AGAP1: variants seen among roughly 807,000 people sequenced by gnomAD.
AGAP1 encodes the protein arf-GAP with GTPase, ANK repeat and PH domain-containing protein 1.
Under a neutral mutation model 105.3 loss-of-function variants are expected in AGAP1, and 29 were observed. That is an observed-to-expected ratio of 0.28 (90% CI 0.21 to 0.38). The LOEUF is 0.38. AGAP1 is among the 10% of genes least tolerant of loss of function. The pLI, the probability that AGAP1 is intolerant of heterozygous loss-of-function variation, is 1.00. For missense variants in AGAP1, 998 were observed against 1,165.1 expected, an observed-to-expected ratio of 0.86 and a Z score of 2.09; for synonymous variants, 509 against 485.9, an observed-to-expected ratio of 1.05 and a Z score of -0.63.
chr2:235,713,931 C>T (rs1950970619), intron 2 of AGAP1, among the ~76,000 whole-genome samples: 1 of 152,132 alleles, frequency 6.6e-6, no homozygotes, highest in East Asian at 1.9e-4. Flanking sequence ...TCTACAAGGG[C>T]GCTAATCTGC....
chr2:236,015,477 A>G (rs540943572), intron 13 of AGAP1, among the ~76,000 whole-genome samples: 2 of 152,328 alleles, frequency 1.3e-5, no homozygotes, highest in East Asian at 3.9e-4. Context: ...TTTTCACCGA[A>G]GACAGCCGTC....
rs748143191 is a variant in AGAP1, at chr2:236,101,037, C to T, written c.2115-19155C>T. 2.0e-5 allele frequency among the ~76,000 whole-genome samples: 3 copies of T among 152,072 alleles called. No individual in the cohort carries two copies. The highest frequency in any genetic ancestry group is 4.4e-5 in the Non-Finnish European group (3 of 68,034). On this transcript the variant is annotated intron_variant, in intron 16 of 17. Transcript: ENST00000304032. The surrounding 1 kb of genome is among the most constrained non-coding windows in gnomAD (Gnocchi z 4.9). ...CATCAGCTAGGCTGACACAGGGGTC[C>T]GCAGACCCAGGCCCCTCATTCCATC...
chr2:235,829,633 G>A lies in AGAP1; in HGVS notation c.1050+22302G>A, dbSNP rs74350180. 1.6e-3 allele frequency among the ~76,000 whole-genome samples: 248 copies of A among 152,328 alleles called. 1 individual carries two copies. The highest frequency in any genetic ancestry group is 5.7e-3 in the African/African-American group (237 of 41,572). On this transcript the variant is annotated intron_variant, in intron 9 of 17. Transcript: ENST00000304032. The stretch of plus-strand genomic sequence containing the variant: ...TATATTGCGAAGAGATTTTTTATAA[G>A]TTGGTGATAGATGATTTTTAATTTT...
rs936701930 is a variant in AGAP1 at position 235,665,939 on chromosome 2, C to T, written c.164-43240C>T. ...TCAGCTCTAGCAACACTTGGAAATA[C>T]TATTCTCCAGGAGAATGTTTGATTT... is the stretch of plus-strand genomic sequence containing the variant. On this transcript the variant is annotated intron_variant, in intron 1 of 17. Transcript: ENST00000304032. The surrounding 1 kb of genome is among the most constrained non-coding windows in gnomAD (Gnocchi z 5.3). 1.3e-5 allele frequency among the ~76,000 whole-genome samples: 2 copies of T among 152,240 alleles called. No individual in the cohort carries two copies. Among genetic ancestry groups the T allele is most frequent in the Non-Finnish European group, 2.9e-5 (2 of 68,046 alleles).
Position 235,577,085 on chromosome 2 carries a change from C to T in AGAP1, c.163+82236C>T, listed in dbSNP as rs1010587763. Among the ~76,000 whole-genome samples, 1 of 152,162 alleles carries T rather than the reference C, an allele frequency of 6.6e-6. No individual in the cohort carries two copies. The highest frequency in any genetic ancestry group is 1.5e-5 in the Non-Finnish European group (1 of 68,034). Reference sequence around the variant, plus strand: ...CCTGAAATATCAGGCCTTCCTGAACCCCCTTGTACCTCTGTCCAGTGGAAG... The same window carrying T: ...CCTGAAATATCAGGCCTTCCTGAACTCCCTTGTACCTCTGTCCAGTGGAAG... On this transcript the variant is annotated intron_variant, in intron 1 of 17. Transcript: ENST00000304032. The surrounding 1 kb of genome is among the most constrained non-coding windows in gnomAD (Gnocchi z 4.5).
At position 236,104,561 on chromosome 2, in the gene AGAP1, C is replaced by T. The variant is rs535417208; in HGVS notation, c.2115-15631C>T. Among the ~76,000 whole-genome samples the T allele has an allele frequency of 4.7e-4, 71 of 152,350 alleles. No homozygotes were observed. Among genetic ancestry groups the T allele is most frequent in the Non-Finnish European group, 8.2e-4 (56 of 68,028 alleles). On this transcript the variant is annotated intron_variant, in intron 16 of 17. Transcript: ENST00000304032. This position sits in a 1 kb window ranked among gnomAD's most constrained non-coding sequence, Gnocchi z 4.7. ...GAATCCCTTACAAAGCCACAGCCCTCTGGCCTCTTAGAGAATCCAACTTGG... is the reference window on the plus strand; with the variant it reads ...GAATCCCTTACAAAGCCACAGCCCTTTGGCCTCTTAGAGAATCCAACTTGG...
At chr2:235,871,293 G>A (rs1278676055) in intron 9 of AGAP1, among the ~76,000 whole-genome samples, 2 of 152,174 alleles carry the variant, frequency 1.3e-5, no homozygotes, top group Non-Finnish European at 2.9e-5. Flanking sequence ...AAATTCCCTG[G>A]ACCTCCTCTC....
intron 1 of AGAP1, among the ~76,000 whole-genome samples, chr2:235,624,010 A>G (rs949784522): frequency 2.6e-5 from 4 of 152,220 alleles, no homozygotes; most frequent in Admixed American, 2.6e-4. Context: ...AAGAACACCA[A>G]AATAAGGCCA....
In AGAP1 at chr2:236,114,480, T is replaced by C. The variant is rs1049758405; in HGVS notation, c.2115-5712T>C. 2.0e-5 allele frequency among the ~76,000 whole-genome samples: 3 copies of C among 152,192 alleles called. No individual in the cohort carries two copies. Among genetic ancestry groups the C allele is most frequent in the African/African-American group, 7.2e-5 (3 of 41,448 alleles). On this transcript the variant is annotated intron_variant, in intron 16 of 17. Transcript: ENST00000304032. This position sits in a 1 kb window ranked among gnomAD's most constrained non-coding sequence, Gnocchi z 5.0. ...GTCAGCTCAGGCTGCCAAAATAAAG[T>C]ATTACACTTGGGTGGCTTAAGTGCG...
chr2:235,847,503 C>A (rs1036753937), intron 9 of AGAP1, among the ~76,000 whole-genome samples: 1 of 152,216 alleles, frequency 6.6e-6, no homozygotes, highest in Non-Finnish European at 1.5e-5. Flanking sequence ...TAGAAAATTA[C>A]ATCTTTGAAA....
At chr2:235,810,414 G>A (rs1365377994) in intron 9 of AGAP1, among the ~76,000 whole-genome samples, 2 of 152,134 alleles carry the variant, frequency 1.3e-5, no homozygotes, top group African/African-American at 4.8e-5. Flanking sequence ...CAGAGGAGTC[G>A]TTTTAGAACC....
chr2:235,550,648 G>T lies in AGAP1; in HGVS notation c.163+55799G>T, dbSNP rs895822049. 7.2e-5 allele frequency among the ~76,000 whole-genome samples: 11 copies of T among 152,228 alleles called. No individual in the cohort carries two copies. Among genetic ancestry groups the T allele is most frequent in the African/African-American group, 2.2e-4 (9 of 41,458 alleles). ...AGGGCCCAGCAGGACTGTAGCACAG[G>T]ATCAGCACCATCCACACCTGAGGCG... On this transcript the variant is annotated intron_variant, in intron 1 of 17. Coordinates refer to ENST00000304032, the MANE Select transcript of AGAP1 (RefSeq NM_001037131.3). The surrounding 1 kb of genome is among the most constrained non-coding windows in gnomAD (Gnocchi z 4.6).
chr2:235,494,567 C>T lies in AGAP1; in HGVS notation c.-120C>T, dbSNP rs1292939851. On this transcript the variant is annotated 5_prime_UTR_variant, in exon 1 of 18. Coordinates refer to ENST00000304032, the MANE Select transcript of AGAP1 (RefSeq NM_001037131.3). Reference sequence around the variant, plus strand: ...CCTTTCTTCTCGCGCCTCCTCCGCCCGCCGCCGGCGGGCCCGGCTCCCCGG... The same window carrying T: ...CCTTTCTTCTCGCGCCTCCTCCGCCTGCCGCCGGCGGGCCCGGCTCCCCGG... The T allele has an allele frequency of 7.9e-5, 15 of 189,210 alleles. No homozygotes were observed. In the East Asian group the frequency reaches 2.8e-3, roughly 35 times the overall value. The allele number at this position is 189,210 out of a possible 1,614,324, so 11.7% of individuals were successfully genotyped here.
Position 235,705,085 on chromosome 2 carries a change from TCTC to T in AGAP1, c.164-4091_164-4089del, listed in dbSNP as rs1378287185. Among the ~76,000 whole-genome samples the T allele has an allele frequency of 4.1e-5, 6 of 146,650 alleles. No homozygotes were observed. Among genetic ancestry groups the T allele is most frequent in the African/African-American group, 7.5e-5 (3 of 40,026 alleles). ...CCTCTACCTCCCGGGTTCAAGCACT[TCTC>T]CTGCCTCAGCCTCCCGAGCAGCTGG... On this transcript the variant is annotated intron_variant, in intron 1 of 17. Transcript: ENST00000304032. This position sits in a 1 kb window ranked among gnomAD's most constrained non-coding sequence, Gnocchi z 4.9.
At chr2:235,808,587 A>G (rs1456754769) in intron 9 of AGAP1, among the ~76,000 whole-genome samples, 1 of 151,984 alleles carries the variant, frequency 6.6e-6, no homozygotes, top group Non-Finnish European at 1.5e-5. Context: ...CAAAAACCAC[A>G]CCTCTGCCCA....
chr2:235,811,006 G>GA (rs1429455576), intron 9 of AGAP1, among the ~76,000 whole-genome samples: 2 of 152,064 alleles, frequency 1.3e-5, no homozygotes, highest in African/African-American at 4.8e-5. Flanking sequence ...GGGAGTTAGG[G>GA]AGCTCCTATG....
At chr2:235,812,783 G>A (rs1437543429) in intron 9 of AGAP1, among the ~76,000 whole-genome samples, 6 of 152,230 alleles carry the variant, frequency 3.9e-5, no homozygotes, top group East Asian at 1.9e-4. Flanking sequence ...GACGGCTCAC[G>A]TTTATTAAGC....
intron 6 of AGAP1, among the ~76,000 whole-genome samples, chr2:235,765,491 T>C (rs1954874531): frequency 6.6e-6 from 1 of 152,180 alleles, no homozygotes; most frequent in African/African-American, 2.4e-5. Flanking sequence ...AAAGAGAAGC[T>C]GAACACTGTT....
Position 235,981,853 on chromosome 2 carries a change from A to T in AGAP1, c.1645+13230A>T, listed in dbSNP as rs193161252. Among the ~76,000 whole-genome samples the T allele has an allele frequency of 2.6e-4, 39 of 152,146 alleles. 2 individuals are homozygous for T. The highest frequency in any genetic ancestry group is 2.4e-3 in the Admixed American group (36 of 15,288). ...TGCTCGCCGCCTCTAACACATCTCC[A>T]CGGTGACCTTCCCTTCCCTTGGAAG... On this transcript the variant is annotated intron_variant, in intron 13 of 17. Transcript: ENST00000304032. This position sits in a 1 kb window ranked among gnomAD's most constrained non-coding sequence, Gnocchi z 5.5.
Sources: allele counts gnomAD v4.1 joint callset (sites outside exome capture counted in the v4.1 genomes callset), GRCh38; gene constraint gnomAD v4.1.1; non-coding constraint Gnocchi (gnomAD v3.1); transcripts MANE v1.5; gene names NCBI Gene and HGNC (gene_info 2026-07-23, HGNC 2026-07-21).